Variants in UGGT1 observed in about 807,000 individuals in gnomAD.
UGGT1 encodes UDP-glucose glycoprotein glucosyltransferase 1.
In UGGT1, 107 loss-of-function variants were observed where a neutral mutation model predicts 203.9. The observed-to-expected ratio is 0.52, with a 90% CI of 0.45 to 0.62. UGGT1 has a LOEUF of 0.62. Among genes scored for constraint, UGGT1 ranks in the 20% least tolerant of loss-of-function variants. UGGT1 has a pLI of 0.00. For synonymous variants in UGGT1, 628 were observed against 653.5 expected (o/e 0.96, Z 0.59); for missense variants, 1,673 against 1,867.2 (o/e 0.90, Z 1.92).
chr2:128,134,147 C>T (rs566443376), intron 14 of UGGT1, among the ~76,000 whole-genome samples: 82 of 152,338 alleles, frequency 5.4e-4, no homozygotes, highest in African/African-American at 1.8e-3. Flanking sequence ...AAGTGATTCT[C>T]CTGCCTCACC....
At chr2:128,126,526 G>C (rs938782687) in intron 11 of UGGT1, among the ~76,000 whole-genome samples, 8 of 152,180 alleles carry the variant, frequency 5.3e-5, no homozygotes, top group Admixed American at 3.3e-4. Flanking sequence ...ACAGGCATGA[G>C]CCACTGTGCC....
chr2:128,147,820 C>T (rs1014745762), intron 18 of UGGT1, among the ~76,000 whole-genome samples: 1 of 152,052 alleles, frequency 6.6e-6, no homozygotes, highest in African/African-American at 2.4e-5. Context: ...CTATGTTGCC[C>T]AGGCAGGTCT....
intron 3 of UGGT1, among the ~76,000 whole-genome samples, chr2:128,104,538 C>T (rs546433660): frequency 3.9e-5 from 6 of 152,252 alleles, no homozygotes; most frequent in African/African-American, 1.2e-4. Context: ...TTTTAAACTT[C>T]GTATAAGCTA....
chr2:128,108,525 A>G (rs1156901787), intron 4 of UGGT1, among the ~76,000 whole-genome samples: 1 of 152,004 alleles, frequency 6.6e-6, no homozygotes, highest in Non-Finnish European at 1.5e-5. Context: ...TGTAATTGAA[A>G]AGAAAAAGAG....
chr2:128,139,334 T>A (rs1480983631), intron 16 of UGGT1, among the ~76,000 whole-genome samples: 1 of 152,216 alleles, frequency 6.6e-6, no homozygotes, highest in Non-Finnish European at 1.5e-5. Flanking sequence ...GATCCTCCCA[T>A]GTCAGTCCCA....
In UGGT1 at chr2:128,159,734, C is replaced by T. The variant is rs774501813; in HGVS notation, c.2562+14C>T. On this transcript the variant is annotated intron_variant, in intron 23 of 40. Transcript: ENST00000259253. Reference sequence around the variant, plus strand: ...TTCTCTGTTGGGGTAAGGCTCTGAGCCTCTCATGAGGCTGCCCCATTTTGT... The same window carrying T: ...TTCTCTGTTGGGGTAAGGCTCTGAGTCTCTCATGAGGCTGCCCCATTTTGT... 1 of 1,612,526 alleles carries T rather than the reference C, an allele frequency of 6.2e-7. No individual in the cohort carries two copies. The highest frequency in any genetic ancestry group is 2.2e-5 in the East Asian group (1 of 44,854).
In UGGT1 at chr2:128,138,332, C is replaced by T. The variant is rs569932994; in HGVS notation, c.1584-385C>T. ...GTCAGGAGTTCGACACCAGCCTGGC[C>T]AACATGGTGAAACCCCATCTCTACT... On this transcript the variant is annotated intron_variant, in intron 15 of 40. Coordinates refer to ENST00000259253, the MANE Select transcript of UGGT1 (RefSeq NM_020120.4). Among the ~76,000 whole-genome samples, 13 of 152,132 alleles carry T rather than the reference C, an allele frequency of 8.5e-5. No individual in the cohort carries two copies. In the South Asian group the frequency reaches 2.7e-3, roughly 32 times the overall value.
At chr2:128,189,147 A>C (rs568958707) in intron 40 of UGGT1, among the ~76,000 whole-genome samples, 67 of 152,354 alleles carry the variant, frequency 4.4e-4, no homozygotes, top group Non-Finnish European at 7.5e-4. Flanking sequence ...ACCGTTGTGG[A>C]TGTAGCTTGA....
rs752873831 is a variant in UGGT1, at chr2:128,189,697, G to C, written c.4643-20G>C. 6.2e-7 allele frequency: 1 copy of C among 1,608,610 alleles called. No homozygotes were observed. The highest frequency in any genetic ancestry group is 1.3e-5 in the African/African-American group (1 of 74,946). ...TTGAAGATCATCTGTTTTCTTTTCT[G>C]TGGTTCTCCTTTTCCTTAGGTCCTC... On this transcript the variant is annotated intron_variant, in intron 40 of 40. Transcript: ENST00000259253.
chr2:128,176,427 AAAAAG>A (rs1330318827), intron 31 of UGGT1, among the ~76,000 whole-genome samples: 1 of 151,632 alleles, frequency 6.6e-6, no homozygotes, highest in Non-Finnish European at 1.5e-5. Flanking sequence ...AAAAAAAAAA[AAAAAG>A]AGCGGAGGCA....
At chr2:128,107,530 A>C (rs1687659278) in intron 3 of UGGT1, among the ~76,000 whole-genome samples, 1 of 152,252 alleles carries the variant, frequency 6.6e-6, no homozygotes, top group African/African-American at 2.4e-5. Flanking sequence ...TAAATAATTT[A>C]GTAAATGATA....
At chr2:128,143,454 TAA>T (rs1461077635) in intron 17 of UGGT1, among the ~76,000 whole-genome samples, 2 of 152,262 alleles carry the variant, frequency 1.3e-5, no homozygotes, top group East Asian at 1.9e-4. Flanking sequence ...TGGAACTGTT[TAA>T]GTCTCATTTT....
chr2:128,184,881 C>T (rs10928811), intron 38 of UGGT1, among the ~76,000 whole-genome samples: 15,084 of 152,122 alleles, frequency 0.099, 1,521 homozygotes, highest in African/African-American at 0.25. Context: ...AGGGTTTCAC[C>T]ATGTTGGCCA....
At chr2:128,180,142 T>G (rs1691614583) in intron 35 of UGGT1, among the ~76,000 whole-genome samples, 1 of 152,232 alleles carries the variant, frequency 6.6e-6, no homozygotes, top group Non-Finnish European at 1.5e-5. Flanking sequence ...GTTTCCTTCC[T>G]CTGAAGCCTG....
rs377603071 is a variant in UGGT1, at chr2:128,114,159, C to A, written c.696+901C>A. ...TTGAGACAGAGTCTCGCTCTGTCGC[C>A]CAGGCTGGAGCACAGTGGCGCGATT... On this transcript the variant is annotated intron_variant, in intron 6 of 40. Coordinates refer to ENST00000259253, the MANE Select transcript of UGGT1 (RefSeq NM_020120.4). Among the ~76,000 whole-genome samples the A allele has an allele frequency of 2.2e-4, 34 of 152,062 alleles. 1 individual carries two copies. In the East Asian group the frequency reaches 5.8e-3, roughly 26 times the overall value.
intron 7 of UGGT1, 144 bp from the exon 8 acceptor site, chr2:128,116,121 A>G: frequency 1.8e-6 from 1 of 544,882 alleles, no homozygotes; most frequent in Non-Finnish European, 3.2e-6. Flanking sequence ...GGTAATTGTG[A>G]TAGTCAGCAT....
At chr2:128,166,956 A>G (rs1690826048) in intron 26 of UGGT1, among the ~76,000 whole-genome samples, 1 of 152,114 alleles carries the variant, frequency 6.6e-6, no homozygotes, top group African/African-American at 2.4e-5. Context: ...TGGTGAGATC[A>G]TTTGATGATT....
chr2:128,174,418 C>T (rs1227165649), intron 30 of UGGT1, among the ~76,000 whole-genome samples: 1 of 151,720 alleles, frequency 6.6e-6, no homozygotes, highest in African/African-American at 2.4e-5. Flanking sequence ...CCTGCCCCAG[C>T]CTCCTGAGTA....
chr2:128,156,656 C>T (rs946754846), intron 21 of UGGT1, among the ~76,000 whole-genome samples: 13 of 149,532 alleles, frequency 8.7e-5, no homozygotes, highest in African/African-American at 3.2e-4. Context: ...CTTCTGGGTT[C>T]AAGTGATTTC....
Sources: gnomAD v4.1 joint callset for allele counts (sites outside exome capture counted in the v4.1 genomes callset) on GRCh38, gnomAD v4.1.1 for gene constraint, MANE v1.5 for transcripts, NCBI Gene and HGNC (gene_info 2026-07-23, HGNC 2026-07-21) for gene names.